The following GABRA3 variants were observed in gnomAD, a reference collection of about 807,000 sequenced individuals.
GABRA3 encodes gamma-aminobutyric acid type A receptor subunit alpha3.
Under a neutral mutation model 30.1 loss-of-function variants are expected in GABRA3, and 10 were observed. That is an observed-to-expected ratio of 0.33 (90% CI 0.20 to 0.56). The LOEUF is 0.56. Among genes scored for constraint, GABRA3 ranks in the 20% least tolerant of loss-of-function variants. GABRA3 has a pLI of 0.89. For synonymous variants in GABRA3, 151 were observed against 146.8 expected, an observed-to-expected ratio of 1.03 and a Z score of -0.21; for missense variants, 233 against 392.0, an observed-to-expected ratio of 0.59 and a Z score of 3.42.
At chrX:152,355,563 C>T (rs1940537801) in intron 2 of GABRA3, among the ~76,000 whole-genome samples, 1 of 111,392 alleles carries the variant, frequency 9.0e-6, no homozygotes, top group South Asian at 3.8e-4. Flanking sequence ...TACTCTATTC[C>T]TTGCGGTTTC....
chrX:152,241,889 C>A (rs1025621351), intron 5 of GABRA3, among the ~76,000 whole-genome samples: 6 of 111,627 alleles, frequency 5.4e-5, no homozygotes, highest in Non-Finnish European at 7.5e-5. Flanking sequence ...CACCCACTGG[C>A]CTGCACCCAC....
intron 4 of GABRA3, among the ~76,000 whole-genome samples, chrX:152,283,975 T>C (rs1024568660): frequency 9.0e-6 from 1 of 111,647 alleles, no homozygotes; most frequent in Non-Finnish European, 1.9e-5. Context: ...AATTGAATAT[T>C]TGATACTCAG....
chrX:152,305,433 A>C (rs1342415220), intron 3 of GABRA3, among the ~76,000 whole-genome samples: 1 of 111,165 alleles, frequency 9.0e-6, no homozygotes, highest in Admixed American at 9.6e-5. Flanking sequence ...AAAAAAAAAA[A>C]AATTATTGTC....
At chrX:152,220,015 G>A (rs1018366819) in intron 6 of GABRA3, among the ~76,000 whole-genome samples, 1 of 111,456 alleles carries the variant, frequency 9.0e-6, no homozygotes, top group Non-Finnish European at 1.9e-5. Flanking sequence ...CAGTGTCTGA[G>A]TAATCTTTCC....
chrX:152,211,496 G>A (rs1476902384), intron 6 of GABRA3, among the ~76,000 whole-genome samples: 1 of 111,488 alleles, frequency 9.0e-6, no homozygotes, highest in African/African-American at 3.3e-5. Context: ...ATAAGATAGA[G>A]GGCAAAGCAG....
chrX:152,235,574 A>G (rs1015025863), intron 5 of GABRA3, among the ~76,000 whole-genome samples: 6 of 111,778 alleles, frequency 5.4e-5, no homozygotes, highest in African/African-American at 1.9e-4. Context: ...ATTCAGTAAC[A>G]TTTCTACACA....
chrX:152,261,887 C>T (rs2124418673), intron 4 of GABRA3, among the ~76,000 whole-genome samples: 1 of 112,776 alleles, frequency 8.9e-6, no homozygotes, highest in Non-Finnish European at 1.9e-5. Context: ...ACTGCCCTAG[C>T]AGAGGTTATA....
chrX:152,196,333 G>A (rs1428496254), intron 8 of GABRA3, among the ~76,000 whole-genome samples: 8 of 105,121 alleles, frequency 7.6e-5, no homozygotes, highest in African/African-American at 2.8e-4. Flanking sequence ...AGAGGCGGGG[G>A]GTTGCAGTGA....
intron 8 of GABRA3, among the ~76,000 whole-genome samples, chrX:152,194,957 C>G (rs1268162126): frequency 9.0e-6 from 1 of 110,621 alleles, no homozygotes; most frequent in Admixed American, 9.6e-5. Context: ...AAGAGGTCTC[C>G]CTATGTTTCC....
chrX:152,311,000 G>T (rs1939790927), intron 3 of GABRA3, among the ~76,000 whole-genome samples: 1 of 111,198 alleles, frequency 9.0e-6, no homozygotes, highest in Admixed American at 9.5e-5. Flanking sequence ...AACCTCCCAA[G>T]ATTGAAAGAG....
At chrX:152,432,001 C>T (rs1304635109) in intron 1 of GABRA3, among the ~76,000 whole-genome samples, 1 of 111,932 alleles carries the variant, frequency 8.9e-6, no homozygotes, top group Non-Finnish European at 1.9e-5. Flanking sequence ...TAATTTGTTA[C>T]AGCAGCAATG....
At chrX:152,301,922 GCTA>G (rs1459317695) in intron 3 of GABRA3, among the ~76,000 whole-genome samples, 1 of 111,184 alleles carries the variant, frequency 9.0e-6, no homozygotes, top group Non-Finnish European at 1.9e-5. Context: ...TGGTTGCCAG[GCTA>G]CTACAATTTA....
At chrX:152,321,357 C>T (rs973375176) in intron 3 of GABRA3, among the ~76,000 whole-genome samples, 1 of 111,501 alleles carries the variant, frequency 9.0e-6, no homozygotes, top group Non-Finnish European at 1.9e-5. Flanking sequence ...CTTTTTATTA[C>T]GGTAAAATAC....
chrX:152,334,649 T>TCCC (rs1193568760), intron 3 of GABRA3, among the ~76,000 whole-genome samples: 1 of 111,218 alleles, frequency 9.0e-6, no homozygotes. Context: ...TGCCTTTGCC[T>TCCC]CCCTAAGTGC....
intron 1 of GABRA3, among the ~76,000 whole-genome samples, chrX:152,424,408 T>C (rs1269218447): frequency 9.0e-6 from 1 of 111,398 alleles, no homozygotes; most frequent in Non-Finnish European, 1.9e-5. Flanking sequence ...ACACAATAAC[T>C]AAGCATCTAC....
chrX:152,409,618 GAA>G lies in GABRA3; in HGVS notation c.-27+41526_-27+41527del, dbSNP rs749061367. Reference sequence around the variant, plus strand: ...GAAAATATCTGCAAACTACCCATGTGAAAAGAGATTAATAACCAGAATATACA... The same window carrying G: ...GAAAATATCTGCAAACTACCCATGTGAAGAGATTAATAACCAGAATATACA... On this transcript the variant is annotated intron_variant, in intron 1 of 9. Transcript: ENST00000370314. Among the ~76,000 whole-genome samples the G allele has an allele frequency of 6.1e-4, 68 of 111,280 alleles. No individual in the cohort carries two copies. The South Asian group carries it at 0.025, about 41-fold the overall frequency.
intron 1 of GABRA3, among the ~76,000 whole-genome samples, chrX:152,413,234 A>T (rs1930118893): frequency 9.2e-6 from 1 of 109,004 alleles, no homozygotes. Context: ...CCATATATTA[A>T]AAAAAAAATA....
At chrX:152,331,548 G>T (rs1940166871) in intron 3 of GABRA3, among the ~76,000 whole-genome samples, 2 of 111,932 alleles carry the variant, frequency 1.8e-5, no homozygotes, top group Non-Finnish European at 3.8e-5. Flanking sequence ...CACACAGAAT[G>T]CACTCCTTGG....
intron 1 of GABRA3, among the ~76,000 whole-genome samples, chrX:152,386,624 G>C (rs1388152250): frequency 9.4e-6 from 1 of 106,895 alleles, no homozygotes; most frequent in Non-Finnish European, 1.9e-5. Context: ...TTAGAATGGC[G>C]ATCATTAAAA....
Sources: gnomAD v4.1 joint callset for allele counts (sites outside exome capture counted in the v4.1 genomes callset) on GRCh38, gnomAD v4.1.1 for gene constraint, MANE v1.5 for transcripts, NCBI Gene and HGNC (gene_info 2026-07-23, HGNC 2026-07-21) for gene names.